Variants in RBM41 observed in about 807,000 individuals in gnomAD.
The protein encoded by RBM41 is RNA binding motif protein 41, also known as RNA-binding protein 41.
RBM41 carries 14 observed loss-of-function variants against 30.8 expected under a neutral mutation model. That is an observed-to-expected ratio of 0.45 (90% CI 0.30 to 0.71). The LOEUF (loss-of-function observed/expected upper bound fraction) is 0.71, where lower values mean the gene tolerates loss of function less well. Ranked by LOEUF, RBM41 falls within the 30% of genes least tolerant of loss-of-function variation. The pLI is 0.08. For missense variants in RBM41, 276 were observed against 326.3 expected (o/e 0.85, Z 1.19); for synonymous variants, 120 against 110.1 (o/e 1.09, Z -0.56).
chrX:107,056,670 A>T, the RBM41 span, among the ~76,000 whole-genome samples: 2 of 111,726 alleles, frequency 1.8e-5, no homozygotes, highest in Non-Finnish European at 3.8e-5. Flanking sequence ...ATAATTATTC[A>T]TAGTATTCTC....
intron 5 of RBM41, chrX:107,112,782 A>C: frequency 3.2e-6 from 1 of 310,620 alleles, no homozygotes; most frequent in Non-Finnish European, 6.2e-6. Context: ...CAGTCTCACA[A>C]GGTTACATGT....
At chrX:107,052,628 G>A in the RBM41 span, among the ~76,000 whole-genome samples, 1 of 111,572 alleles carries the variant, frequency 9.0e-6, no homozygotes, top group East Asian at 2.8e-4. Flanking sequence ...AGGGGTCCGT[G>A]GTAGATTTTA....
intron 3 of RBM41, 92 bp from the exon 4 acceptor site, chrX:107,115,648 C>T (rs1320438465): frequency 2.8e-5 from 26 of 924,260 alleles, no homozygotes; most frequent in Non-Finnish European, 3.9e-5. Flanking sequence ...GACCTAGGCC[C>T]AGAAATGAAT....
intron 5 of RBM41, among the ~76,000 whole-genome samples, chrX:107,103,423 C>G (rs1468729085): frequency 4.7e-5 from 1 of 21,406 alleles, no homozygotes; most frequent in Admixed American, 7.3e-4. Context: ...CCAGGGAACA[C>G]CAAGAATTGC....
chrX:107,079,763 CCT>C (rs34846396), intron 6 of RBM41, among the ~76,000 whole-genome samples: 2,759 of 111,665 alleles, frequency 0.025, 97 homozygotes, highest in African/African-American at 0.085. Flanking sequence ...CTAAAGATTC[CCT>C]GTGTTTCATG....
chrX:107,059,752 A>G (rs747582213), downstream of RBM41, among the ~76,000 whole-genome samples: 1 of 111,811 alleles, frequency 8.9e-6, no homozygotes, highest in South Asian at 3.7e-4. Flanking sequence ...ATTTTAATAG[A>G]TAATGCCAAA....
Position 107,116,756 on chromosome X carries a change from A to G in RBM41, c.19T>C (p.Cys7Arg). Residue 7 changes from cysteine (C) to arginine (R), a missense_variant, in exon 2 of 8, where the codon TGT (cysteine) becomes CGT (arginine). Coordinates refer to ENST00000685964, the MANE Select transcript of RBM41 (RefSeq NM_001324242.2). MKRVNS[C>R]VKSDEHVLEE... ...AGGACATGCTCATCACTCTTCACAC[A>G]GCTGTTTACCCTGGAGTAGACATAA... 1.7e-6 allele frequency: 2 copies of G among 1,209,343 alleles called. No homozygotes were observed. Among genetic ancestry groups the G allele is most frequent in the Non-Finnish European group, 1.1e-6 (1 of 894,456 alleles).
At position 107,116,625 on chromosome X, in the gene RBM41, C is replaced by G. The variant is rs767266672; in HGVS notation, c.125+25G>C. 3.3e-6 allele frequency: 4 copies of G among 1,204,956 alleles called. No individual in the cohort carries two copies. The South Asian group carries it at 5.4e-5, about 16-fold the overall frequency. On this transcript the variant is annotated intron_variant, in intron 2 of 7. Coordinates refer to ENST00000685964, the MANE Select transcript of RBM41 (RefSeq NM_001324242.2). ...CCTGGAGGTAAGAGTCTATGATACT[C>G]TCCGTTTGCAAAATCAATACCTACT...
At chrX:107,072,829 A>G (rs945051694) in intron 6 of RBM41, among the ~76,000 whole-genome samples, 4 of 111,348 alleles carry the variant, frequency 3.6e-5, no homozygotes, top group African/African-American at 6.5e-5. Flanking sequence ...GAACTCAGAA[A>G]CTGACCCATG....
downstream of RBM41, among the ~76,000 whole-genome samples, chrX:107,057,199 T>C (rs1304667966): frequency 9.0e-6 from 1 of 110,911 alleles, no homozygotes; most frequent in Non-Finnish European, 1.9e-5. Flanking sequence ...TTTCCTTCCT[T>C]CTACTAGTTT....
intron 5 of RBM41, among the ~76,000 whole-genome samples, chrX:107,100,866 A>G (rs184235582): frequency 1.8e-5 from 2 of 112,337 alleles, no homozygotes; most frequent in East Asian, 5.6e-4. Flanking sequence ...GTGCAACTAC[A>G]GTAGAATGGA....
the RBM41 span, among the ~76,000 whole-genome samples, chrX:107,055,763 C>T: frequency 5.2e-3 from 584 of 112,648 alleles, 3 homozygotes; most frequent in African/African-American, 0.018. Context: ...TTCTTGTCAA[C>T]ACTTACTTTC....
chrX:107,090,610 T>C (rs969005956), intron 5 of RBM41, among the ~76,000 whole-genome samples: 2 of 110,244 alleles, frequency 1.8e-5, no homozygotes, highest in Non-Finnish European at 3.8e-5. Flanking sequence ...AACTCAAACC[T>C]GGAATATTTT....
chrX:107,069,113 A>C (rs1935949129), intron 7 of RBM41, 142 bp downstream of exon 7: 1 of 551,879 alleles, frequency 1.8e-6, no homozygotes, highest in South Asian at 4.4e-5. Context: ...AGAAAGAAAC[A>C]CTGAAAACAT....
At position 107,067,547 on chromosome X, in the gene RBM41, T is replaced by C; in HGVS notation, c.1294A>G (p.Thr432Ala). Residue 432 changes from threonine to alanine, a missense_variant, in exon 8 of 8, where the codon ACA becomes GCA. Coordinates refer to ENST00000685964, the MANE Select transcript of RBM41 (RefSeq NM_001324242.2). ...ATATTCTAGCTACCACTAATTTCTGTAGTGCTACCTGTAGCACATGATATG... is the reference window on the plus strand; with the variant it reads ...ATATTCTAGCTACCACTAATTTCTGCAGTGCTACCTGTAGCACATGATATG... ...SLISCATGST[T>A]EISGS 1.7e-6 allele frequency: 2 copies of C among 1,207,557 alleles called. No homozygotes were observed. The highest frequency in any genetic ancestry group is 2.2e-6 in the Non-Finnish European group (2 of 893,295).
At chrX:107,055,768 A>G in the RBM41 span, among the ~76,000 whole-genome samples, 1 of 112,551 alleles carries the variant, frequency 8.9e-6, no homozygotes, top group Non-Finnish European at 1.9e-5. Flanking sequence ...GTCAACACTT[A>G]CTTTCCTTCT....
At chrX:107,072,634 GA>G (rs200649887) in intron 6 of RBM41, among the ~76,000 whole-genome samples, 1,871 of 110,198 alleles carry the variant, frequency 0.017, 40 homozygotes, top group African/African-American at 0.058. Flanking sequence ...CATAGAAAAA[GA>G]AAAAAAATCT....
Position 107,115,428 on chromosome X carries a change from C to T in RBM41, c.447G>A (p.Arg149=). The T allele has an allele frequency of 8.3e-7, 1 of 1,211,917 alleles. No individual in the cohort carries two copies. Among genetic ancestry groups the T allele is most frequent in the Non-Finnish European group, 1.1e-6 (1 of 895,517 alleles). Residue 149 remains arginine, a synonymous_variant, in exon 4 of 8, where the codon CGG becomes CGA. Coordinates refer to ENST00000685964, the MANE Select transcript of RBM41 (RefSeq NM_001324242.2). The part of the protein sequence containing the change: ...QRFAKSKQLT[R]REMEIEKSLF... ...AAGACTTTTCTATTTCCATTTCTCG[C>T]CGGGTCAGCTGTTTGCTCTTTGCAA...
chrX:107,110,844 C>T (rs1240783773), intron 5 of RBM41, among the ~76,000 whole-genome samples: 1 of 110,929 alleles, frequency 9.0e-6, no homozygotes, highest in Non-Finnish European at 1.9e-5. Flanking sequence ...TGAATATCAA[C>T]ATGAAAATAA....
Sources: allele counts gnomAD v4.1 joint callset (sites outside exome capture counted in the v4.1 genomes callset), GRCh38; gene constraint gnomAD v4.1.1; transcripts MANE v1.5; gene names NCBI Gene and HGNC (gene_info 2026-07-23, HGNC 2026-07-21).